The following DCT variants were observed in gnomAD, a reference collection of about 807,000 sequenced individuals.
The protein encoded by DCT is L-dopachrome tautomerase.
A neutral mutation model predicts 53.0 loss-of-function variants in DCT; 47 were observed. The ratio of observed to expected loss-of-function variants is 0.89; its 90% CI spans 0.70 to 1.13. The LOEUF is 1.13. DCT is among the 50% of genes most tolerant of loss of function. DCT has a pLI of 0.00. For missense variants in DCT, 669 were observed against 637.4 expected (o/e 1.05, Z -0.53); for synonymous variants, 244 against 237.0 (o/e 1.03, Z -0.27).
chr13:94,535,810 A>T, the DCT span, among the ~76,000 whole-genome samples: 1 of 152,222 alleles, frequency 6.6e-6, no homozygotes, highest in Non-Finnish European at 1.5e-5. Flanking sequence ...GATTTCGCCT[A>T]TACCCTCAGA....
rs1022779412 is a variant in DCT at position 94,449,973 on chromosome 13, G to A, written c.1180-6336C>T. ...GGACTCAATGTGTGTGCCCTACCCCGAACAAATTCATATTTTGAAATCCTA... is the reference window on the plus strand; with the variant it reads ...GGACTCAATGTGTGTGCCCTACCCCAAACAAATTCATATTTTGAAATCCTA... On this transcript the variant is annotated intron_variant, in intron 6 of 7. Transcript: ENST00000377028. Among the ~76,000 whole-genome samples the A allele has an allele frequency of 3.3e-5, 5 of 152,224 alleles. No homozygotes were observed. In the East Asian group the frequency reaches 7.7e-4, roughly 23 times the overall value.
the DCT span, among the ~76,000 whole-genome samples, chr13:94,528,851 G>C: frequency 6.6e-6 from 1 of 152,164 alleles, no homozygotes; most frequent in Non-Finnish European, 1.5e-5. Context: ...CTGGCAAATT[G>C]GATAAAGAGT....
chr13:94,486,390 C>G, the DCT span, among the ~76,000 whole-genome samples: 1 of 152,054 alleles, frequency 6.6e-6, no homozygotes, highest in Non-Finnish European at 1.5e-5. Flanking sequence ...GCCCTAAGCA[C>G]GTCAGAATAG....
Position 94,438,587 on chromosome 13 carries a change from CT to C in DCT, c.*1310del, listed in dbSNP as rs1566787771. On this transcript the variant is annotated 3_prime_UTR_variant, in exon 8 of 8. Coordinates refer to ENST00000377028, the MANE Select transcript of DCT (RefSeq NM_001922.5). ...TCGACAGACAAGCCACGCCCTAGAACTTCAGTCTCACTCCTGATGCACAGAA... is the reference window on the plus strand; with the variant it reads ...TCGACAGACAAGCCACGCCCTAGAACTCAGTCTCACTCCTGATGCACAGAA... 2.2e-6 allele frequency: 1 copy of C among 455,952 alleles called. No homozygotes were observed. Among genetic ancestry groups the C allele is most frequent in the East Asian group, 7.0e-5 (1 of 14,386 alleles). The allele number at this position is 455,952 out of a possible 1,614,324, so 28.2% of individuals were successfully genotyped here.
At chr13:94,450,682 G>C (rs1883023109) in intron 6 of DCT, among the ~76,000 whole-genome samples, 2 of 152,192 alleles carry the variant, frequency 1.3e-5, no homozygotes, top group African/African-American at 4.8e-5. Flanking sequence ...GAGGACTACA[G>C]AAAGACTCTG....
At chr13:94,444,498 T>C in intron 6 of DCT, 1 of 430,498 alleles carries the variant, frequency 2.3e-6, no homozygotes, top group East Asian at 6.2e-5. Flanking sequence ...TAAAGTCCTT[T>C]TAAAATATAG....
At chr13:94,466,744 A>C in intron 2 of DCT, 86 bp from the exon 3 acceptor site, 4 of 781,432 alleles carry the variant, frequency 5.1e-6, no homozygotes, top group Middle Eastern at 2.5e-4. Flanking sequence ...CTATAGAGCC[A>C]ATAAGTCCAT....
At chr13:94,447,897 A>G (rs1882833458) in intron 6 of DCT, among the ~76,000 whole-genome samples, 1 of 152,178 alleles carries the variant, frequency 6.6e-6, no homozygotes, top group Non-Finnish European at 1.5e-5. Context: ...AATAGGGGAA[A>G]ATAATAAGGA....
At chr13:94,506,965 A>C in the DCT span, among the ~76,000 whole-genome samples, 2 of 152,106 alleles carry the variant, frequency 1.3e-5, no homozygotes, top group Admixed American at 6.6e-5. Context: ...CTATTATCTT[A>C]CTCTATTGAG....
At chr13:94,539,736 T>C in the DCT span, among the ~76,000 whole-genome samples, 1 of 152,138 alleles carries the variant, frequency 6.6e-6, no homozygotes, top group Non-Finnish European at 1.5e-5. Flanking sequence ...TAAACATGAT[T>C]GCTATTGGGT....
At chr13:94,511,077 G>T in the DCT span, among the ~76,000 whole-genome samples, 1 of 152,144 alleles carries the variant, frequency 6.6e-6, no homozygotes, top group African/African-American at 2.4e-5. Context: ...ATTTCAAAAT[G>T]CAAATCTCCT....
chr13:94,528,824 C>T, the DCT span, among the ~76,000 whole-genome samples: 44 of 152,226 alleles, frequency 2.9e-4, no homozygotes, highest in South Asian at 4.6e-3. Context: ...GCTAAAGCCC[C>T]AATTAAAAGA....
At chr13:94,547,920 A>G in the DCT span, among the ~76,000 whole-genome samples, 56 of 139,636 alleles carry the variant, frequency 4.0e-4, no homozygotes, top group African/African-American at 1.5e-3. Flanking sequence ...AACCTGGGAC[A>G]CCACTGCACT....
the DCT span, among the ~76,000 whole-genome samples, chr13:94,506,863 ATCAC>A: frequency 6.6e-6 from 1 of 152,238 alleles, no homozygotes; most frequent in Admixed American, 6.5e-5. Flanking sequence ...AGGGCACAGC[ATCAC>A]TTTGGCAGTG....
the DCT span, among the ~76,000 whole-genome samples, chr13:94,535,385 G>A: frequency 1.3e-5 from 2 of 152,114 alleles, no homozygotes; most frequent in Non-Finnish European, 2.9e-5. Flanking sequence ...GTAAGTATCA[G>A]GGCAATAATA....
chr13:94,523,451 C>T, the DCT span, among the ~76,000 whole-genome samples: 391 of 152,276 alleles, frequency 2.6e-3, no homozygotes, highest in African/African-American at 9.1e-3. Context: ...GTTAGTAGTA[C>T]TGTGATGCAC....
chr13:94,526,536 G>A, the DCT span, among the ~76,000 whole-genome samples: 1 of 152,084 alleles, frequency 6.6e-6, no homozygotes. Context: ...AGGCTGAGGT[G>A]GGAGGATTGC....
At chr13:94,488,004 G>A in the DCT span, among the ~76,000 whole-genome samples, 2 of 151,868 alleles carry the variant, frequency 1.3e-5, no homozygotes, top group Admixed American at 6.6e-5. Context: ...TCATCCTTAA[G>A]TCTGTGTTTA....
chr13:94,484,725 CT>C, the DCT span, among the ~76,000 whole-genome samples: 1 of 152,092 alleles, frequency 6.6e-6, no homozygotes, highest in Non-Finnish European at 1.5e-5. Flanking sequence ...TCTAAATTTC[CT>C]TTTTTTATAC....
Sources: allele counts gnomAD v4.1 joint callset (sites outside exome capture counted in the v4.1 genomes callset), GRCh38; gene constraint gnomAD v4.1.1; transcripts MANE v1.5; gene names NCBI Gene and HGNC (gene_info 2026-07-23, HGNC 2026-07-21).